PTPN12: variants seen among roughly 807,000 people sequenced by gnomAD.
PTPN12 encodes the protein protein tyrosine phosphatase non-receptor type 12.
Under a neutral mutation model 97.6 loss-of-function variants are expected in PTPN12, and 29 were observed. That is an observed-to-expected ratio of 0.30 (90% CI 0.22 to 0.41). PTPN12 has a LOEUF of 0.41. PTPN12 is among the 10% of genes least tolerant of loss of function. The probability of loss-of-function intolerance (pLI) is 1.00; values close to 1 mark genes in which losing one functional copy is unlikely to be tolerated. For missense variants in PTPN12, 819 were observed against 926.0 expected (o/e 0.88, Z 1.50); for synonymous variants, 327 against 300.4 (o/e 1.09, Z -0.91).
intron 5 of PTPN12, among the ~76,000 whole-genome samples, chr7:77,587,995 T>C (rs1371169456): frequency 6.6e-6 from 1 of 152,240 alleles, no homozygotes; most frequent in East Asian, 1.9e-4. Context: ...GGCTTTGGCT[T>C]GTAGAAATGT....
chr7:77,549,228 C>T (rs1448675071), intron 1 of PTPN12, among the ~76,000 whole-genome samples: 1 of 151,942 alleles, frequency 6.6e-6, no homozygotes, highest in Non-Finnish European at 1.5e-5. Context: ...GCGGGCAGTC[C>T]AAAGAGTGTC....
chr7:77,561,722 A>G (rs1465032523), intron 1 of PTPN12, among the ~76,000 whole-genome samples: 2 of 152,042 alleles, frequency 1.3e-5, no homozygotes, highest in Non-Finnish European at 1.5e-5. Context: ...TAATATGTTA[A>G]TACTAGAACT....
At chr7:77,569,087 T>C (rs909653013) in intron 1 of PTPN12, among the ~76,000 whole-genome samples, 9 of 152,198 alleles carry the variant, frequency 5.9e-5, no homozygotes, top group Non-Finnish European at 1.2e-4. Flanking sequence ...CCAAAAGATA[T>C]GAAAAGACAT....
intron 1 of PTPN12, among the ~76,000 whole-genome samples, chr7:77,562,958 CA>C (rs10650218): frequency 4.1e-4 from 54 of 133,184 alleles, no homozygotes; most frequent in South Asian, 7.1e-4. Context: ...CTAGGCTATG[CA>C]AAAAAAAAAA....
At chr7:77,609,058 A>G (rs1003489855) in intron 9 of PTPN12, among the ~76,000 whole-genome samples, 1 of 151,978 alleles carries the variant, frequency 6.6e-6, no homozygotes, top group Non-Finnish European at 1.5e-5. Flanking sequence ...CATTTCTACT[A>G]AAAATACAAA....
intron 1 of PTPN12, among the ~76,000 whole-genome samples, chr7:77,563,397 C>T (rs1470238955): frequency 6.6e-6 from 1 of 152,104 alleles, no homozygotes. Flanking sequence ...GGCATATGTG[C>T]ATATCTAAAT....
At chr7:77,563,857 T>C in intron 1 of PTPN12, 8 of 333,980 alleles carry the variant, frequency 2.4e-5, no homozygotes, top group South Asian at 1.8e-4. Context: ...TGCAGTTGTA[T>C]AGTTGAAAGA....
chr7:77,572,017 A>G (rs552142521), intron 2 of PTPN12, among the ~76,000 whole-genome samples: 45 of 151,938 alleles, frequency 3.0e-4, no homozygotes, highest in African/African-American at 9.4e-4. Context: ...TGAAATATCT[A>G]CATTCCATCA....
At chr7:77,585,521 A>C (rs1431105021) in intron 4 of PTPN12, 22 bp from the exon 5 acceptor site, 5 of 1,595,832 alleles carry the variant, frequency 3.1e-6, no homozygotes, top group Non-Finnish European at 4.3e-6. Context: ...TCTTTATCTC[A>C]CTCCCCACCA....
At chr7:77,624,798 T>C (rs1370047661) in intron 12 of PTPN12, among the ~76,000 whole-genome samples, 1 of 151,654 alleles carries the variant, frequency 6.6e-6, no homozygotes, top group African/African-American at 2.4e-5. Context: ...AGTTATCTGG[T>C]TGGATAAAAA....
intron 12 of PTPN12, among the ~76,000 whole-genome samples, chr7:77,625,493 C>T (rs1789121816): frequency 9.6e-6 from 1 of 103,668 alleles, no homozygotes; most frequent in South Asian, 3.4e-4. Context: ...CTCTCTCTCT[C>T]TCTCTCTCTC....
intron 1 of PTPN12, among the ~76,000 whole-genome samples, chr7:77,570,782 A>C (rs1787100764): frequency 6.6e-6 from 1 of 152,228 alleles, no homozygotes; most frequent in Non-Finnish European, 1.5e-5. Flanking sequence ...AAATTACTCG[A>C]ATATGTTAAA....
intron 2 of PTPN12, among the ~76,000 whole-genome samples, chr7:77,579,270 C>A (rs996239888): frequency 6.6e-6 from 1 of 152,008 alleles, no homozygotes; most frequent in Non-Finnish European, 1.5e-5. Context: ...TACAGGCATG[C>A]GCCACGATGC....
chr7:77,580,112 T>C (rs1173160991), intron 2 of PTPN12, among the ~76,000 whole-genome samples: 3 of 152,178 alleles, frequency 2.0e-5, no homozygotes, highest in African/African-American at 7.2e-5. Flanking sequence ...GTAGAGTAGC[T>C]AAATAAAGAA....
intron 1 of PTPN12, among the ~76,000 whole-genome samples, chr7:77,550,388 TATAA>T (rs1175972178): frequency 6.6e-6 from 1 of 152,100 alleles, no homozygotes; most frequent in African/African-American, 2.4e-5. Flanking sequence ...TTAATAAATT[TATAA>T]ATAGACTAAA....
chr7:77,623,486 G>A (rs758175067), intron 12 of PTPN12, among the ~76,000 whole-genome samples: 35 of 152,332 alleles, frequency 2.3e-4, no homozygotes, highest in Non-Finnish European at 4.6e-4. Context: ...TGAGGAGGGC[G>A]GATCACTTGA....
rs1787886840 is a variant in PTPN12, at chr7:77,592,132, G to C, written c.421-53G>C. ...CTCAGGACACAAAATATTTATAACA[G>C]TTTAAGAAAAACTTACATGAATTAC... On this transcript the variant is annotated intron_variant, in intron 5 of 17. Coordinates refer to ENST00000248594, the MANE Select transcript of PTPN12 (RefSeq NM_002835.4). The C allele has an allele frequency of 2.7e-6, 4 of 1,473,110 alleles. No homozygotes were observed. The South Asian group carries it at 4.8e-5, about 18-fold the overall frequency. The allele number at this position is 1,473,110 out of a possible 1,614,324, so 91.3% of individuals were successfully genotyped here. A position where few individuals can be genotyped will look rare whatever the true frequency, so the allele number is the denominator to read the frequency against.
rs1562770029 is a variant in PTPN12 at position 77,638,943 on chromosome 7, T to C, written c.2281+212T>C. On this transcript the variant is annotated intron_variant, in intron 17 of 17. Transcript: ENST00000248594. ...AAACTGCAGTATAAAAAATCTTTTG[T>C]GTTGGAAAGACTAAATTATCATGGA... 4.5e-6 allele frequency: 4 copies of C among 885,188 alleles called. No individual in the cohort carries two copies. The East Asian group carries it at 1.2e-4, about 27-fold the overall frequency. 54.8% of individuals were successfully genotyped at this position (885,188 alleles called of 1,614,324 possible).
intron 14 of PTPN12, among the ~76,000 whole-genome samples, chr7:77,632,899 GT>G (rs1789452283): frequency 6.6e-6 from 1 of 152,236 alleles, no homozygotes; most frequent in Non-Finnish European, 1.5e-5. Flanking sequence ...GGAGGTTGCA[GT>G]GAGCCGAGAT....
Sources: gnomAD v4.1 joint callset for allele counts (sites outside exome capture counted in the v4.1 genomes callset) on GRCh38, gnomAD v4.1.1 for gene constraint, MANE v1.5 for transcripts, NCBI Gene and HGNC (gene_info 2026-07-23, HGNC 2026-07-21) for gene names.